UNC13C: variants seen among roughly 807,000 people sequenced by gnomAD.
The protein encoded by UNC13C is unc-13 homolog C, also known as protein unc-13 homolog C.
Under a neutral mutation model 245.4 loss-of-function variants are expected in UNC13C, and 174 were observed. The ratio of observed to expected loss-of-function variants is 0.71; its 90% CI spans 0.63 to 0.80. The LOEUF is 0.80. UNC13C is among the 30% of genes least tolerant of loss of function. The probability of loss-of-function intolerance (pLI) is 0.00; values close to 1 mark genes in which losing one functional copy is unlikely to be tolerated. For synonymous variants in UNC13C, 992 were observed against 895.1 expected, an observed-to-expected ratio of 1.11 and a Z score of -1.93; for missense variants, 2,829 against 2,602.9, an observed-to-expected ratio of 1.09 and a Z score of -1.89.
At chr15:54,401,917 T>C (rs2040195236) in intron 18 of UNC13C, among the ~76,000 whole-genome samples, 1 of 152,222 alleles carries the variant, frequency 6.6e-6, no homozygotes, top group Non-Finnish European at 1.5e-5. Context: ...TTACCCAAAG[T>C]ATCCTTACAA....
intron 1 of UNC13C, among the ~76,000 whole-genome samples, chr15:54,005,904 G>C (rs1369106095): frequency 6.6e-6 from 1 of 152,130 alleles, no homozygotes. Flanking sequence ...GAAATTAGAT[G>C]GGATATTTAA....
rs151248287 is a variant in UNC13C at position 54,180,189 on chromosome 15, T to C, written c.3071+36505T>C. On this transcript the variant is annotated intron_variant, in intron 4 of 32. Transcript: ENST00000260323. The stretch of plus-strand genomic sequence containing the variant: ...CCGCTCTGATAGTCCCCGGTTTCTA[T>C]TGTTACATCTTTATGTCCATGAGTA... Among the ~76,000 whole-genome samples the C allele has an allele frequency of 2.1e-3, 313 of 152,142 alleles. 1 individual carries two copies. The highest frequency in any genetic ancestry group is 7.3e-3 in the African/African-American group (303 of 41,542).
downstream of UNC13C, chr15:54,632,654 C>T (rs1901476300): frequency 6.6e-6 from 1 of 152,134 alleles, no homozygotes; most frequent in South Asian, 2.1e-4. Flanking sequence ...TTGGAATTAC[C>T]TTTGTACCTT....
At chr15:54,480,565 T>C (rs1893053348) in intron 19 of UNC13C, among the ~76,000 whole-genome samples, 1 of 151,066 alleles carries the variant, frequency 6.6e-6, no homozygotes, top group Non-Finnish European at 1.5e-5. Context: ...CATGATTTTT[T>C]CTTTATAATG....
At chr15:54,339,656 T>G (rs575522452) in intron 17 of UNC13C, among the ~76,000 whole-genome samples, 2 of 151,826 alleles carry the variant, frequency 1.3e-5, no homozygotes, top group Non-Finnish European at 1.5e-5. Flanking sequence ...TATATATATA[T>G]ATATATATCA....
intron 10 of UNC13C, 65 bp downstream of exon 10, chr15:54,265,561 T>C (rs2036532071): frequency 2.0e-5 from 24 of 1,196,434 alleles, no homozygotes; most frequent in Non-Finnish European, 2.6e-5. Flanking sequence ...AAGACAGGCA[T>C]ACAAAGGATG....
At chr15:54,365,405 T>C (rs1214788069) in intron 17 of UNC13C, among the ~76,000 whole-genome samples, 2 of 152,170 alleles carry the variant, frequency 1.3e-5, no homozygotes, top group African/African-American at 4.8e-5. Context: ...TGAGGTATGA[T>C]TGATATATTT....
chr15:54,044,587 T>C (rs112956698), intron 2 of UNC13C: 41 of 171,418 alleles, frequency 2.4e-4, no homozygotes, highest in African/African-American at 8.8e-4. Context: ...AGTTCCACTT[T>C]CTCCACATTC....
intron 2 of UNC13C, among the ~76,000 whole-genome samples, chr15:54,036,882 C>T (rs955910274): frequency 3.3e-5 from 5 of 152,160 alleles, no homozygotes; most frequent in African/African-American, 1.2e-4. Flanking sequence ...TTCGGTGATT[C>T]AGTTGAGAGG....
At chr15:53,969,903 T>G in the UNC13C span, among the ~76,000 whole-genome samples, 2 of 152,170 alleles carry the variant, frequency 1.3e-5, no homozygotes, top group Admixed American at 6.5e-5. Context: ...ACCACTCTTC[T>G]GCCTTCTGTT....
chr15:54,577,764 A>G (rs1165757390), intron 30 of UNC13C, among the ~76,000 whole-genome samples: 2 of 152,218 alleles, frequency 1.3e-5, no homozygotes, highest in Middle Eastern at 3.4e-3. Flanking sequence ...AAACCCTCAT[A>G]AAAAGTCTCT....
At chr15:54,403,933 C>G (rs1220428561) in intron 18 of UNC13C, among the ~76,000 whole-genome samples, 1 of 152,024 alleles carries the variant, frequency 6.6e-6, no homozygotes, top group Non-Finnish European at 1.5e-5. Flanking sequence ...AAAATTTCTA[C>G]CACAGCATTA....
chr15:54,236,770 A>C (rs536900598), intron 6 of UNC13C, among the ~76,000 whole-genome samples: 1 of 152,342 alleles, frequency 6.6e-6, no homozygotes, highest in South Asian at 2.1e-4. Flanking sequence ...ACTCAGGTGT[A>C]TGCTGAATTT....
At chr15:54,497,663 G>A (rs1470280901) in intron 20 of UNC13C, among the ~76,000 whole-genome samples, 2 of 152,080 alleles carry the variant, frequency 1.3e-5, no homozygotes, top group Admixed American at 6.6e-5. Flanking sequence ...AGAGATCAAG[G>A]CTGGTCCCCT....
At chr15:54,109,594 G>A (rs1483607578) in intron 2 of UNC13C, among the ~76,000 whole-genome samples, 2 of 151,678 alleles carry the variant, frequency 1.3e-5, no homozygotes, top group Non-Finnish European at 2.9e-5. Flanking sequence ...CATCCACCTC[G>A]GCCTCCCAAA....
chr15:53,937,594 A>C, the UNC13C span, among the ~76,000 whole-genome samples: 1 of 152,156 alleles, frequency 6.6e-6, no homozygotes, highest in East Asian at 1.9e-4. Context: ...AGGTTCTCCA[A>C]GGTTGAAATG....
At chr15:54,160,638 G>A (rs7164135) in intron 4 of UNC13C, among the ~76,000 whole-genome samples, 3,142 of 152,090 alleles carry the variant, frequency 0.021, 101 homozygotes, top group African/African-American at 0.073. Flanking sequence ...CAAAAGTATA[G>A]CTGTGGAAAA....
intron 21 of UNC13C, 135 bp downstream of exon 21, chr15:54,500,310 C>G (rs1346199161): frequency 2.9e-6 from 2 of 689,012 alleles, no homozygotes; most frequent in Non-Finnish European, 4.8e-6. Flanking sequence ...ATTTAAAACA[C>G]AATTTCAGTG....
At chr15:54,576,499 C>G (rs2141230765) in intron 30 of UNC13C, among the ~76,000 whole-genome samples, 1 of 152,334 alleles carries the variant, frequency 6.6e-6, no homozygotes, top group Middle Eastern at 3.4e-3. Flanking sequence ...TTCCTCTGCT[C>G]CCCAGTTTCA....
Sources: gnomAD v4.1 joint callset for allele counts (sites outside exome capture counted in the v4.1 genomes callset) on GRCh38, gnomAD v4.1.1 for gene constraint, MANE v1.5 for transcripts, NCBI Gene and HGNC (gene_info 2026-07-23, HGNC 2026-07-21) for gene names.